The following RPF2 variants were observed in gnomAD, a reference collection of about 807,000 sequenced individuals.
The protein encoded by RPF2 is brix domain containing 1.
A neutral mutation model predicts 38.9 loss-of-function variants in RPF2; 21 were observed. The ratio of observed to expected loss-of-function variants is 0.54; its 90% CI spans 0.38 to 0.78. RPF2 has a LOEUF of 0.78. RPF2 is among the 30% of genes least tolerant of loss of function. The pLI is 0.00. For missense variants in RPF2, 314 were observed against 358.1 expected, an observed-to-expected ratio of 0.88 and a Z score of 0.99; for synonymous variants, 121 against 126.2, an observed-to-expected ratio of 0.96 and a Z score of 0.28.
At chr6:111,005,075 C>T (rs537284026) in intron 6 of RPF2, among the ~76,000 whole-genome samples, 166 of 152,178 alleles carry the variant, frequency 1.1e-3, no homozygotes, top group Middle Eastern at 6.8e-3. Context: ...GTGGTTGAAG[C>T]ATGGAAGACT....
intron 6 of RPF2, among the ~76,000 whole-genome samples, chr6:111,000,332 G>A (rs1210327805): frequency 1.3e-5 from 2 of 152,106 alleles, no homozygotes; most frequent in African/African-American, 4.8e-5. Flanking sequence ...TGCCTAGGCT[G>A]GTCTCAAATT....
intron 8 of RPF2, among the ~76,000 whole-genome samples, chr6:111,021,284 G>GA (rs1318744506): frequency 6.6e-6 from 1 of 152,062 alleles, no homozygotes; most frequent in East Asian, 1.9e-4. Context: ...CTTTCATAAT[G>GA]AAAAAAAGTT....
intron 6 of RPF2, among the ~76,000 whole-genome samples, chr6:111,003,948 G>A (rs1161082985): frequency 1.3e-5 from 2 of 151,806 alleles, no homozygotes; most frequent in East Asian, 1.9e-4. Flanking sequence ...GAGTAGCTGG[G>A]ATTACAGGTG....
rs147149680 is a variant in RPF2 at position 110,994,727 on chromosome 6, GTA to G, written c.235-2449_235-2448del. On this transcript the variant is annotated intron_variant, in intron 4 of 9. Coordinates refer to ENST00000441448, the MANE Select transcript of RPF2 (RefSeq NM_032194.3). ...GCAGACTTTGTGGAGAATGGGATGA[GTA>G]TATATACACACACACACACACACAC... Among the ~76,000 whole-genome samples the G allele has an allele frequency of 4.3e-3, 463 of 107,388 alleles. 19 individuals are homozygous for G. Among genetic ancestry groups the G allele is most frequent in the African/African-American group, 0.019 (425 of 21,856 alleles). The allele number at this position is 107,388 out of a possible 152,430, so 70.5% of individuals were successfully genotyped here.
chr6:111,025,207 C>A (rs1044857343), intron 9 of RPF2, among the ~76,000 whole-genome samples, 196 bp from the exon 10 acceptor site: 1 of 152,136 alleles, frequency 6.6e-6, no homozygotes, highest in African/African-American at 2.4e-5. Flanking sequence ...GAATTAGGAT[C>A]TGTATTTTAG....
At chr6:111,003,042 A>G (rs893733957) in intron 6 of RPF2, among the ~76,000 whole-genome samples, 5 of 151,212 alleles carry the variant, frequency 3.3e-5, no homozygotes, top group African/African-American at 1.2e-4. Context: ...GATTATAGGC[A>G]TGAGCCACCG....
chr6:110,998,341 A>G (rs1379183079), intron 5 of RPF2, among the ~76,000 whole-genome samples: 1 of 152,166 alleles, frequency 6.6e-6, no homozygotes, highest in Non-Finnish European at 1.5e-5. Context: ...TTCATATACC[A>G]GTTGAAGTCA....
chr6:110,988,992 T>C, intron 2 of RPF2, 36 bp from the exon 3 acceptor site: 1 of 1,589,780 alleles, frequency 6.3e-7, no homozygotes, highest in Non-Finnish European at 8.6e-7. Flanking sequence ...TTTCAGAATG[T>C]GTTTTGTTTT....
intron 6 of RPF2, among the ~76,000 whole-genome samples, chr6:111,007,393 A>T (rs560719027): frequency 2.7e-3 from 406 of 150,430 alleles, no homozygotes; most frequent in Middle Eastern, 0.01. Context: ...GGAACAAATA[A>T]TTTTTTTTTT....
intron 1 of RPF2, among the ~76,000 whole-genome samples, chr6:110,982,685 A>AATG (rs201212954): frequency 0.012 from 1,845 of 152,284 alleles, 18 homozygotes; most frequent in Middle Eastern, 0.041. Flanking sequence ...GTTATCCTTG[A>AATG]ATGATACCTG....
At chr6:111,020,715 G>T (rs1320454032) in intron 8 of RPF2, among the ~76,000 whole-genome samples, 1 of 151,942 alleles carries the variant, frequency 6.6e-6, no homozygotes, top group Non-Finnish European at 1.5e-5. Flanking sequence ...ATAAAAATTA[G>T]CCGGGCAACA....
intron 8 of RPF2, among the ~76,000 whole-genome samples, chr6:111,018,633 T>C (rs987834109): frequency 1.3e-5 from 2 of 150,278 alleles, no homozygotes; most frequent in African/African-American, 4.8e-5. Context: ...CTGTATTAAA[T>C]CAGAGACATT....
intron 2 of RPF2, 114 bp from the exon 3 acceptor site, chr6:110,988,914 G>C: frequency 7.6e-7 from 1 of 1,316,344 alleles, no homozygotes; most frequent in Non-Finnish European, 1.0e-6. Context: ...GAAGCCCTCA[G>C]AATAAGATTG....
In RPF2 at chr6:111,024,282, G is replaced by T; in HGVS notation, c.696G>T (p.Ser232=). 1.2e-6 allele frequency: 2 copies of T among 1,612,084 alleles called. No individual in the cohort carries two copies. Among genetic ancestry groups the T allele is most frequent in the Non-Finnish European group, 8.5e-7 (1 of 1,179,830 alleles). The part of the protein sequence containing the change: ...DLVLRRTHLA[S]DDLYKLSMKM... ...TTCTGAGGAGGACACACCTGGCATC[G>T]GATGACCTTTATAAATTATCTATGA... Residue 232 remains serine (S), a synonymous_variant, in exon 9 of 10, where the codon TCG becomes TCT. Coordinates refer to ENST00000441448, the MANE Select transcript of RPF2 (RefSeq NM_032194.3).
At chr6:111,016,190 C>T (rs1473630262) in intron 8 of RPF2, among the ~76,000 whole-genome samples, 3 of 152,172 alleles carry the variant, frequency 2.0e-5, no homozygotes, top group Admixed American at 1.3e-4. Flanking sequence ...ATCTCAAAAC[C>T]CTAAGTCTTA....
intron 4 of RPF2, among the ~76,000 whole-genome samples, chr6:110,994,966 G>A (rs1247477709): frequency 1.3e-5 from 2 of 151,886 alleles, no homozygotes; most frequent in Admixed American, 1.3e-4. Flanking sequence ...GTGCTATGGC[G>A]CCATCTCAGC....
At chr6:110,999,114 T>A (rs530905751) in intron 5 of RPF2, among the ~76,000 whole-genome samples, 1 of 152,186 alleles carries the variant, frequency 6.6e-6, no homozygotes, top group East Asian at 1.9e-4. Flanking sequence ...CGGAATCAAA[T>A]TCTGGTTTAA....
chr6:110,995,430 A>C (rs1207259895), intron 4 of RPF2, among the ~76,000 whole-genome samples: 1 of 152,176 alleles, frequency 6.6e-6, no homozygotes, highest in Non-Finnish European at 1.5e-5. Context: ...CTGGTTGTGG[A>C]CAGGCCAGGT....
At chr6:110,997,381 C>G in intron 5 of RPF2, 117 bp downstream of exon 5, 1 of 656,104 alleles carries the variant, frequency 1.5e-6, no homozygotes, top group Non-Finnish European at 2.7e-6. Flanking sequence ...ATAATTCATC[C>G]AAGAGGCATA....
Sources: gnomAD v4.1 joint callset for allele counts (sites outside exome capture counted in the v4.1 genomes callset) on GRCh38, gnomAD v4.1.1 for gene constraint, MANE v1.5 for transcripts, NCBI Gene and HGNC (gene_info 2026-07-23, HGNC 2026-07-21) for gene names.